Variants in SRPRA observed in about 807,000 individuals in gnomAD.
SRPRA encodes the protein SRP receptor subunit alpha.
In SRPRA, 30 loss-of-function variants were observed where a neutral mutation model predicts 61.1. The observed-to-expected ratio is 0.49, with a 90% CI of 0.37 to 0.67. The LOEUF (loss-of-function observed/expected upper bound fraction) is 0.67. SRPRA is among the 30% of genes least tolerant of loss of function. The probability of loss-of-function intolerance (pLI) is 0.00; values close to 1 mark genes in which losing one functional copy is unlikely to be tolerated. For synonymous variants in SRPRA, 324 were observed against 299.7 expected (o/e 1.08, Z -0.84); for missense variants, 759 against 828.4 (o/e 0.92, Z 1.03).
Position 126,267,250 on chromosome 11 carries a change from A to C in SRPRA, c.451T>G (p.Ser151Ala). 1 of 1,613,970 alleles carries C rather than the reference A, an allele frequency of 6.2e-7. No individual in the cohort carries two copies. The highest frequency in any genetic ancestry group is 8.5e-7 in the Non-Finnish European group (1 of 1,180,016). ...DSEKAKKPVRSMIETRGEKPK... is the reference protein window; with the variant it reads ...DSEKAKKPVRAMIETRGEKPK... ...TTTTCCCCCCGTGTCTCAATCATGG[A>C]CCTCACAGGTTTCTTGGCCTTTTCA... is the stretch of plus-strand genomic sequence containing the variant. Residue 151 changes from serine (S) to alanine (A), a missense_variant, in exon 4 of 14, where the codon TCC becomes GCC. Physicochemically the swap from Ser to Ala is moderately conservative, Grantham distance 99. Around this residue, in one of 2 missense-constraint regions of SRPRA, gnomAD observed 475 missense variants for 462.5 expected, o/e 1.03. Coordinates refer to ENST00000332118, the MANE Select transcript of SRPRA (RefSeq NM_003139.4). This position sits in a 1 kb window ranked among gnomAD's most constrained non-coding sequence, Gnocchi z 4.2.
the SRPRA span, chr11:126,256,499 C>CT: frequency 6.8e-7 from 1 of 1,480,912 alleles, no homozygotes; most frequent in Non-Finnish European, 9.3e-7. The surrounding 1 kb of genome is among the most constrained non-coding windows in gnomAD (Gnocchi z 6.6). Context: ...CGTAGCATGA[C>CT]CTTCTTGTTT....
At chr11:126,236,645 C>T in the SRPRA span, among the ~76,000 whole-genome samples, 1 of 152,130 alleles carries the variant, frequency 6.6e-6, no homozygotes, top group Non-Finnish European at 1.5e-5. Context: ...ACTTATATTA[C>T]TTTTTTGATA....
the SRPRA span, among the ~76,000 whole-genome samples, chr11:126,251,128 G>A: frequency 3.3e-5 from 5 of 152,178 alleles, no homozygotes; most frequent in Non-Finnish European, 5.9e-5. Context: ...CTGATTGGAA[G>A]AACAACTTCC....
chr11:126,245,857 G>C, the SRPRA span, among the ~76,000 whole-genome samples: 1 of 151,952 alleles, frequency 6.6e-6, no homozygotes, highest in African/African-American at 2.4e-5. Context: ...TTAGCTGGGC[G>C]TGGTGGCGCA....
At chr11:126,252,733 A>G in the SRPRA span, among the ~76,000 whole-genome samples, 1 of 151,478 alleles carries the variant, frequency 6.6e-6, no homozygotes, top group African/African-American at 2.4e-5. This position sits in a 1 kb window ranked among gnomAD's most constrained non-coding sequence, Gnocchi z 4.7. Flanking sequence ...ACAGCATAAG[A>G]TCATGTCTCT....
the SRPRA span, chr11:126,256,976 A>C: frequency 2.1e-6 from 2 of 971,606 alleles, no homozygotes; most frequent in Non-Finnish European, 3.1e-6. This position sits in a 1 kb window ranked among gnomAD's most constrained non-coding sequence, Gnocchi z 6.6. Flanking sequence ...CCAAATTGTA[A>C]AGGAGGCCAC....
chr11:126,265,572 C>T lies in SRPRA; in HGVS notation c.1139-132G>A. ...TTGTCCCAGAAATCCAGAACAGACG[C>T]ACATTACAAGGACTAACTCACTGAA... On this transcript the variant is annotated intron_variant, in intron 9 of 13. Transcript: ENST00000332118. The surrounding 1 kb of genome is among the most constrained non-coding windows in gnomAD (Gnocchi z 6.3). 8.1e-7 allele frequency: 1 copy of T among 1,230,028 alleles called. No homozygotes were observed. The highest frequency in any genetic ancestry group is 1.1e-6 in the Non-Finnish European group (1 of 878,794). 76.2% of individuals were successfully genotyped at this position (1,230,028 alleles called of 1,614,324 possible). A position where few individuals can be genotyped will look rare whatever the true frequency, so the allele number is the denominator to read the frequency against.
chr11:126,264,670 G>T lies in SRPRA; in HGVS notation c.1526-131C>A. 8.6e-7 allele frequency: 1 copy of T among 1,165,358 alleles called. No homozygotes were observed. The highest frequency in any genetic ancestry group is 1.2e-6 in the Non-Finnish European group (1 of 846,330). The allele number at this position is 1,165,358 out of a possible 1,614,324, so 72.2% of individuals were successfully genotyped here. A position where few individuals can be genotyped will look rare whatever the true frequency, so the allele number is the denominator to read the frequency against. Reference sequence around the variant, plus strand: ...GCTCTGGATTTGGTTCCAAGGTAATGTGAGAAAAACTTGATTATATGCTTG... The same window carrying T: ...GCTCTGGATTTGGTTCCAAGGTAATTTGAGAAAAACTTGATTATATGCTTG... On this transcript the variant is annotated intron_variant, in intron 11 of 13. Coordinates refer to ENST00000332118, the MANE Select transcript of SRPRA (RefSeq NM_003139.4). This position sits in a 1 kb window ranked among gnomAD's most constrained non-coding sequence, Gnocchi z 5.0.
downstream of SRPRA, among the ~76,000 whole-genome samples, chr11:126,261,914 T>C (rs1950709105): frequency 6.6e-6 from 1 of 152,098 alleles, no homozygotes; most frequent in Non-Finnish European, 1.5e-5. Flanking sequence ...TTGAGCCCAG[T>C]GAGCTGATTG....
In SRPRA at chr11:126,266,259, C is replaced by G. The variant is rs1181861205; in HGVS notation, c.860G>C (p.Gly287Ala). The change falls in exon 7 of 14, where the codon GGG becomes GCG. Residue 287 changes from glycine (G) to alanine (A), a missense_variant. Gly to Ala is a moderately conservative substitution (Grantham distance 60, BLOSUM62 0). Coordinates refer to ENST00000332118, the MANE Select transcript of SRPRA (RefSeq NM_003139.4). ...GCAGTCCAGATCCTGAAGCTGCCCC[C>G]CAGACCCAGTCCCTCGAATCTGGAA... ...DINLIRGTGS[G>A]GQLQDLDCSS... The G allele has an allele frequency of 1.2e-6, 2 of 1,614,164 alleles. No individual in the cohort carries two copies. Among genetic ancestry groups the G allele is most frequent in the Non-Finnish European group, 1.7e-6 (2 of 1,180,036 alleles).
At position 126,268,751 on chromosome 11, in the gene SRPRA, G is replaced by A. The variant is rs779265585; in HGVS notation, c.54C>T (p.Phe18=). ...CGGTGCATGAGTCGCTAACGCCCTGGAAGCACCAGAGCACAAGCCCGCCCT... is the reference window on the plus strand; with the variant it reads ...CGGTGCATGAGTCGCTAACGCCCTGAAAGCACCAGAGCACAAGCCCGCCCT... ...FSKGGLVLWC[F]QGVSDSCTGP... The change falls in exon 1 of 14, where the codon TTC becomes TTT. Residue 18 remains phenylalanine, a synonymous_variant. Transcript: ENST00000332118. 3 of 1,613,904 alleles carry A rather than the reference G, an allele frequency of 1.9e-6. No homozygotes were observed. The highest frequency in any genetic ancestry group is 2.2e-5 in the East Asian group (1 of 44,876).
the SRPRA span, among the ~76,000 whole-genome samples, chr11:126,238,669 C>A: frequency 6.6e-6 from 1 of 152,190 alleles, no homozygotes; most frequent in Non-Finnish European, 1.5e-5. Flanking sequence ...AGGGAAACCT[C>A]TAGCCTGCTG....
At chr11:126,266,155 C>G in intron 7 of SRPRA, 32 bp downstream of exon 7, 1 of 1,613,050 alleles carries the variant, frequency 6.2e-7, no homozygotes, top group South Asian at 1.1e-5. Flanking sequence ...TTTGCAGATG[C>G]ATATACCAAC....
rs1487091410 is a variant in SRPRA, at chr11:126,264,665, G to A, written c.1526-126C>T. On this transcript the variant is annotated intron_variant, in intron 11 of 13. Transcript: ENST00000332118. This position sits in a 1 kb window ranked among gnomAD's most constrained non-coding sequence, Gnocchi z 5.0. Reference sequence around the variant, plus strand: ...CTTGGGCTCTGGATTTGGTTCCAAGGTAATGTGAGAAAAACTTGATTATAT... The same window carrying A: ...CTTGGGCTCTGGATTTGGTTCCAAGATAATGTGAGAAAAACTTGATTATAT... 19 of 1,191,358 alleles carry A rather than the reference G, an allele frequency of 1.6e-5. No individual in the cohort carries two copies. The highest frequency in any genetic ancestry group is 2.1e-5 in the Non-Finnish European group (18 of 868,642). The allele number at this position is 1,191,358 out of a possible 1,614,324, so 73.8% of individuals were successfully genotyped here. A position where few individuals can be genotyped will look rare whatever the true frequency, so the allele number is the denominator to read the frequency against.
chr11:126,260,173 A>C (rs1950658625), downstream of SRPRA, among the ~76,000 whole-genome samples: 1 of 151,636 alleles, frequency 6.6e-6, no homozygotes, highest in Admixed American at 6.6e-5. Flanking sequence ...GCTGAGACTA[A>C]AGGCACATAC....
Position 126,264,799 on chromosome 11 carries a change from G to A in SRPRA, c.1525+160C>T. The A allele has an allele frequency of 1.2e-6, 1 of 822,430 alleles. No individual in the cohort carries two copies. The highest frequency in any genetic ancestry group is 1.9e-6 in the Non-Finnish European group (1 of 538,510). 50.9% of individuals were successfully genotyped at this position (822,430 alleles called of 1,614,324 possible). A position where few individuals can be genotyped will look rare whatever the true frequency, so the allele number is the denominator to read the frequency against. The stretch of plus-strand genomic sequence containing the variant: ...ATTAGCTTTGCCTGCAACTACATCT[G>A]TTATCCAAAAGCAGAGCATGGCAAG... On this transcript the variant is annotated intron_variant, in intron 11 of 13. Transcript: ENST00000332118. The surrounding 1 kb of genome is among the most constrained non-coding windows in gnomAD (Gnocchi z 5.0).
At chr11:126,249,067 T>G in the SRPRA span, among the ~76,000 whole-genome samples, 1 of 152,186 alleles carries the variant, frequency 6.6e-6, no homozygotes, top group South Asian at 2.1e-4. Context: ...GTTATTTAAG[T>G]AAGCCGTATG....
chr11:126,261,352 CT>C (rs2135228127), downstream of SRPRA: 1 of 1,254,410 alleles, frequency 8.0e-7, no homozygotes. Context: ...CCTCATCTCC[CT>C]TTAGTTTTCT....
At chr11:126,266,413 T>C in intron 6 of SRPRA, 63 bp downstream of exon 6, 2 of 1,598,394 alleles carry the variant, frequency 1.3e-6, no homozygotes, top group Non-Finnish European at 1.7e-6. Flanking sequence ...AGTATCACGT[T>C]CCCACACTCT....
Sources: gnomAD v4.1 joint callset for allele counts (sites outside exome capture counted in the v4.1 genomes callset) on GRCh38, gnomAD v4.1.1 for gene constraint, gnomAD v4.1.1 regional missense constraint, Gnocchi (gnomAD v3.1) non-coding constraint, MANE v1.5 for transcripts, NCBI Gene and HGNC (gene_info 2026-07-23, HGNC 2026-07-21) for gene names.